Variants in PRDM5 observed in about 807,000 individuals in gnomAD.
PRDM5 encodes PR domain zinc finger protein 5.
Under a neutral mutation model 81.2 loss-of-function variants are expected in PRDM5, and 56 were observed. That is an observed-to-expected ratio of 0.69 (90% CI 0.56 to 0.86). The LOEUF (loss-of-function observed/expected upper bound fraction) is 0.86, where lower values mean the gene tolerates loss of function less well. PRDM5 is among the 40% of genes least tolerant of loss of function. The pLI is 0.00. For missense variants in PRDM5, 697 were observed against 770.1 expected, an observed-to-expected ratio of 0.91 and a Z score of 1.12; for synonymous variants, 267 against 256.4, an observed-to-expected ratio of 1.04 and a Z score of -0.39.
intron 2 of PRDM5, among the ~76,000 whole-genome samples, chr4:120,857,562 T>C (rs191765183): frequency 9.2e-5 from 14 of 152,308 alleles, no homozygotes; most frequent in African/African-American, 2.9e-4. Flanking sequence ...AGAAATAATG[T>C]GCTGGTCATT....
chr4:120,762,569 A>G (rs1745780075), intron 13 of PRDM5: 1 of 152,176 alleles, frequency 6.6e-6, no homozygotes, highest in Non-Finnish European at 1.5e-5. Context: ...TAATTGTGAA[A>G]GCACCACCCA....
In PRDM5 at chr4:120,686,764, T is replaced by C. The variant is rs569227388; in HGVS notation, n.104-1739A>G. Among the ~76,000 whole-genome samples, 3 of 152,166 alleles carry C rather than the reference T, an allele frequency of 2.0e-5. No individual in the cohort carries two copies. In the South Asian group the frequency reaches 6.2e-4, roughly 32 times the overall value. ...CTTCCCCAAAATATGTTTTACTTAC[T>C]TTTCTGACTTAGCTAAACTTGGTCT... On this transcript the variant is annotated intron_variant and non_coding_transcript_variant, in intron 1 of 1. Transcript: ENST00000513741.
chr4:120,821,610 A>C (rs1196878334), intron 3 of PRDM5, among the ~76,000 whole-genome samples: 1 of 152,220 alleles, frequency 6.6e-6, no homozygotes, highest in Non-Finnish European at 1.5e-5. Context: ...TTGCATCACT[A>C]ACTGGCCTTA....
chr4:120,887,528 A>G (rs1299788225), intron 2 of PRDM5, among the ~76,000 whole-genome samples: 1 of 152,166 alleles, frequency 6.6e-6, no homozygotes, highest in African/African-American at 2.4e-5. Flanking sequence ...ACTTCCTTCT[A>G]CCACCAGAAT....
intron 13 of PRDM5, among the ~76,000 whole-genome samples, chr4:120,755,743 C>T (rs1744638569): frequency 6.6e-6 from 1 of 152,152 alleles, no homozygotes; most frequent in Non-Finnish European, 1.5e-5. Flanking sequence ...CAGTTACATT[C>T]CTGGATCTCA....
At chr4:120,760,424 T>C (rs1745438034) in intron 13 of PRDM5, among the ~76,000 whole-genome samples, 1 of 152,190 alleles carries the variant, frequency 6.6e-6, no homozygotes, top group African/African-American at 2.4e-5. Flanking sequence ...AAATACTATA[T>C]TGGTAAATAT....
intron 10 of PRDM5, among the ~76,000 whole-genome samples, chr4:120,796,390 A>G (rs1429852661): frequency 6.6e-6 from 1 of 152,208 alleles, no homozygotes; most frequent in Non-Finnish European, 1.5e-5. Context: ...CCAAGACATC[A>G]TTATTACTTT....
intron 14 of PRDM5, among the ~76,000 whole-genome samples, chr4:120,735,109 T>C (rs1578521210): frequency 6.6e-6 from 1 of 152,334 alleles, no homozygotes; most frequent in Non-Finnish European, 1.5e-5. Flanking sequence ...TCTATACATG[T>C]AACAACTGTT....
chr4:120,846,294 C>T (rs1325993017), intron 3 of PRDM5, among the ~76,000 whole-genome samples: 1 of 152,150 alleles, frequency 6.6e-6, no homozygotes. Flanking sequence ...TACACAGAAA[C>T]CTTTTGTGAA....
intron 2 of PRDM5, among the ~76,000 whole-genome samples, chr4:120,905,774 C>G (rs147718175): frequency 6.6e-6 from 1 of 152,220 alleles, no homozygotes; most frequent in East Asian, 1.9e-4. Context: ...GTGTGGAAAA[C>G]TCCAGTTTTC....
downstream of PRDM5, chr4:120,691,790 G>A (rs963618709): frequency 6.6e-6 from 1 of 151,946 alleles, no homozygotes; most frequent in Non-Finnish European, 1.5e-5. Flanking sequence ...AAAAGCATGA[G>A]GTCTGGAGGT....
chr4:120,892,601 CA>C (rs1245361098), intron 2 of PRDM5, among the ~76,000 whole-genome samples: 1 of 152,228 alleles, frequency 6.6e-6, no homozygotes, highest in Non-Finnish European at 1.5e-5. Context: ...GAGTGCTTCA[CA>C]GGGGCGCACC....
At chr4:120,684,501 C>G (rs1027663530), downstream of PRDM5, among the ~76,000 whole-genome samples, 1 of 151,890 alleles carries the variant, frequency 6.6e-6, no homozygotes, top group Non-Finnish European at 1.5e-5. Context: ...ACATACCCTA[C>G]TATTCAGATA....
intron 15 of PRDM5, among the ~76,000 whole-genome samples, chr4:120,699,204 A>ATATATT (rs1553942437): frequency 2.6e-5 from 2 of 76,898 alleles, no homozygotes; most frequent in Non-Finnish European, 6.0e-5. Flanking sequence ...ATATATATAT[A>ATATATT]TTTCAGATGT....
intron 8 of PRDM5, among the ~76,000 whole-genome samples, chr4:120,805,772 T>C (rs1166070500): frequency 6.6e-6 from 1 of 152,164 alleles, no homozygotes; most frequent in African/African-American, 2.4e-5. Context: ...ACTGGAAGCA[T>C]TCCCTTTGTA....
intron 14 of PRDM5, among the ~76,000 whole-genome samples, chr4:120,715,513 A>T (rs1487938700): frequency 6.6e-6 from 1 of 152,208 alleles, no homozygotes; most frequent in Non-Finnish European, 1.5e-5. Context: ...CACAACTTCA[A>T]ATATTTCTTC....
At chr4:120,804,771 T>G (rs1752662236) in intron 8 of PRDM5, among the ~76,000 whole-genome samples, 1 of 152,164 alleles carries the variant, frequency 6.6e-6, no homozygotes, top group Non-Finnish European at 1.5e-5. Context: ...ATTGACACCC[T>G]AACTTCACAA....
At chr4:120,866,208 A>G (rs568276272) in intron 2 of PRDM5, among the ~76,000 whole-genome samples, 1 of 152,154 alleles carries the variant, frequency 6.6e-6, no homozygotes, top group Non-Finnish European at 1.5e-5. Flanking sequence ...ACTTCACTGC[A>G]CACTTCATTG....
intron 2 of PRDM5, among the ~76,000 whole-genome samples, chr4:120,898,072 G>C (rs1409272412): frequency 6.6e-6 from 1 of 152,164 alleles, no homozygotes; most frequent in African/African-American, 2.4e-5. Flanking sequence ...CTCTGGAGTA[G>C]ATTTACCCTG....
Sources: allele counts gnomAD v4.1 joint callset (sites outside exome capture counted in the v4.1 genomes callset), GRCh38; gene constraint gnomAD v4.1.1; transcripts MANE v1.5; gene names NCBI Gene and HGNC (gene_info 2026-07-23, HGNC 2026-07-21).